CLPTM1L: variants seen among roughly 807,000 people sequenced by gnomAD.
The protein encoded by CLPTM1L is CLPTM1 like, also known as lipid scramblase CLPTM1L.
In CLPTM1L, 38 loss-of-function variants were observed where a neutral mutation model predicts 70.9. That is an observed-to-expected ratio of 0.54 (90% CI 0.41 to 0.70). CLPTM1L has a LOEUF of 0.70. Ranked by LOEUF, CLPTM1L falls within the 30% of genes least tolerant of loss-of-function variation. The probability of loss-of-function intolerance (pLI) is 0.00; values close to 1 mark genes in which losing one functional copy is unlikely to be tolerated. For missense variants in CLPTM1L, 652 were observed against 705.9 expected (o/e 0.92, Z 0.87); for synonymous variants, 339 against 299.9 (o/e 1.13, Z -1.35).
chr5:1,323,110 G>A (rs1477003399), intron 12 of CLPTM1L, among the ~76,000 whole-genome samples, 199 bp from the exon 13 acceptor site: 2 of 152,128 alleles, frequency 1.3e-5, no homozygotes, highest in African/African-American at 2.4e-5. Flanking sequence ...CCGGGCAGCA[G>A]AGGCCGGGCA....
At chr5:1,330,408 G>A in intron 8 of CLPTM1L, 25 bp from the exon 9 acceptor site, 1 of 1,600,820 alleles carries the variant, frequency 6.2e-7, no homozygotes, top group East Asian at 2.2e-5. Flanking sequence ...GTCGGGCTGG[G>A]AGGGGGTGCA....
intron 9 of CLPTM1L, among the ~76,000 whole-genome samples, chr5:1,326,712 C>T (rs1196785352): frequency 1.3e-5 from 2 of 151,910 alleles, no homozygotes; most frequent in East Asian, 4.0e-4. Context: ...GACATTCCAT[C>T]CAGCTCCTCC....
chr5:1,327,388 C>G (rs1752672159), intron 9 of CLPTM1L, among the ~76,000 whole-genome samples: 1 of 147,726 alleles, frequency 6.8e-6, no homozygotes, highest in African/African-American at 2.5e-5. Flanking sequence ...TCCAGCTCCT[C>G]CTCTACAGGC....
In CLPTM1L at chr5:1,338,857, T is replaced by C. The variant is rs1753753292; in HGVS notation, c.599+3A>G. 1 of 1,613,152 alleles carries C rather than the reference T, an allele frequency of 6.2e-7. No individual in the cohort carries two copies. The highest frequency in any genetic ancestry group is 8.5e-7 in the Non-Finnish European group (1 of 1,179,996). On this transcript the variant is annotated splice_donor_region_variant and intron_variant, in intron 4 of 16. Coordinates refer to ENST00000320895, the MANE Select transcript of CLPTM1L (RefSeq NM_030782.5). ...GGCGCTCCAGCTCTGGGGCCCCACTTACATCTTCATGTACCGATGCACATC... is the reference window on the plus strand; with the variant it reads ...GGCGCTCCAGCTCTGGGGCCCCACTCACATCTTCATGTACCGATGCACATC...
At position 1,319,779 on chromosome 5, in the gene CLPTM1L, T is replaced by C. The variant is rs559373179; in HGVS notation, c.1532+837A>G. On this transcript the variant is annotated intron_variant, in intron 16 of 16. Transcript: ENST00000320895. ...CACAGCCAGGAGGCTCTGAGACACT[T>C]GGCAGCAGGTCTTGGGGGTGACACA... Among the ~76,000 whole-genome samples, 3 of 152,268 alleles carry C rather than the reference T, an allele frequency of 2.0e-5. No individual in the cohort carries two copies. In the South Asian group the frequency reaches 6.2e-4, roughly 32 times the overall value.
intron 4 of CLPTM1L, among the ~76,000 whole-genome samples, chr5:1,338,559 A>G (rs1413684694): frequency 2.0e-5 from 3 of 152,268 alleles, no homozygotes. Flanking sequence ...AAGTTAAAAA[A>G]TCACAAGGGG....
intron 12 of CLPTM1L, among the ~76,000 whole-genome samples, 176 bp from the exon 13 acceptor site, chr5:1,323,087 T>A (rs1302328158): frequency 6.6e-6 from 1 of 152,198 alleles, no homozygotes; most frequent in Non-Finnish European, 1.5e-5. Context: ...GAGATAGCGC[T>A]GAGCACCCCC....
rs1198282628 is a variant in CLPTM1L at position 1,318,512 on chromosome 5, A to T, written c.1533-59T>A. The T allele has an allele frequency of 7.2e-7, 1 of 1,396,890 alleles. No individual in the cohort carries two copies. The allele number at this position is 1,396,890 out of a possible 1,614,324, so 86.5% of individuals were successfully genotyped here. On this transcript the variant is annotated intron_variant, in intron 16 of 16. Coordinates refer to ENST00000320895, the MANE Select transcript of CLPTM1L (RefSeq NM_030782.5). The surrounding 1 kb of genome is among the most constrained non-coding windows in gnomAD (Gnocchi z 8.9). The stretch of plus-strand genomic sequence containing the variant: ...CCACTGCAGGGGCTATTTTTCTAAG[A>T]GGAGGACTTGGCATCCTCGATTTAT...
intron 5 of CLPTM1L, among the ~76,000 whole-genome samples, chr5:1,335,812 G>A (rs1423448572): frequency 2.0e-5 from 3 of 152,218 alleles, no homozygotes; most frequent in African/African-American, 7.2e-5. Flanking sequence ...AGGAGGGTGA[G>A]GAACGGGTTC....
Position 1,326,870 on chromosome 5 carries a change from G to A in CLPTM1L, c.1081-1054C>T, listed in dbSNP as rs867304668. On this transcript the variant is annotated intron_variant, in intron 9 of 16. Transcript: ENST00000320895. ...GACACATTTCATCCAGCTCCTCCTC[G>A]ACAGACACATTTCATCCAGCTCCTC... 3.9e-3 allele frequency among the ~76,000 whole-genome samples: 266 copies of A among 68,334 alleles called. 3 individuals are homozygous for A. Among genetic ancestry groups the A allele is most frequent in the African/African-American group, 0.015 (254 of 16,980 alleles). 44.8% of individuals were successfully genotyped at this position (68,334 alleles called of 152,430 possible).
rs371510655 is a variant in CLPTM1L, at chr5:1,331,787, C to T, written c.976+12G>A. 16 of 1,612,188 alleles carry T rather than the reference C, an allele frequency of 9.9e-6. No individual in the cohort carries two copies. The highest frequency in any genetic ancestry group is 3.3e-5 in the South Asian group (3 of 91,070). ...CAGAGTATCTGAGCAGGGCCACGCT[C>T]GGGGGGCCTACCTGCCTTGGTGGAC... On this transcript the variant is annotated intron_variant, in intron 8 of 16. Transcript: ENST00000320895.
Position 1,318,225 on chromosome 5 carries a change from T to C in CLPTM1L, c.*144A>G, listed in dbSNP as rs112703733. 421 of 656,390 alleles carry C rather than the reference T, an allele frequency of 6.4e-4. 1 individual carries two copies. Among genetic ancestry groups the C allele is most frequent in the African/African-American group, 6.3e-3 (352 of 55,594 alleles). 40.7% of individuals were successfully genotyped at this position (656,390 alleles called of 1,614,324 possible). On this transcript the variant is annotated 3_prime_UTR_variant, in exon 17 of 17. Transcript: ENST00000320895. This position sits in a 1 kb window ranked among gnomAD's most constrained non-coding sequence, Gnocchi z 8.9. ...GCTACCAGCTCCAAATCTGACGTGA[T>C]GGGAACTTGGGAGATGTCTGAGAAA...
In CLPTM1L at chr5:1,341,661, A is replaced by T; in HGVS notation, c.453+10T>A. On this transcript the variant is annotated intron_variant, in intron 3 of 16. Transcript: ENST00000320895. ...ACAGCCTGTTATCAGTAACCCATGA[A>T]GACCCTCACCTGTGTATCAGACTCC... 1 of 1,590,972 alleles carries T rather than the reference A, an allele frequency of 6.3e-7. No individual in the cohort carries two copies. Among genetic ancestry groups the T allele is most frequent in the South Asian group, 1.1e-5 (1 of 89,760 alleles).
intron 3 of CLPTM1L, among the ~76,000 whole-genome samples, chr5:1,341,093 C>G (rs113656123): frequency 0.013 from 2,023 of 152,346 alleles, 50 homozygotes; most frequent in African/African-American, 0.045. Flanking sequence ...TCACCTTCCA[C>G]TCAACACAAA....
At chr5:1,323,711 C>G (rs1398398704) in intron 12 of CLPTM1L, 76 bp downstream of exon 12, 5 of 1,336,214 alleles carry the variant, frequency 3.7e-6, no homozygotes, top group Middle Eastern at 1.8e-4. Flanking sequence ...TCCAGTCGCA[C>G]CCCGCTCTGG....
At chr5:1,324,953 C>T (rs1011390146) in intron 10 of CLPTM1L, 140 bp from the exon 11 acceptor site, 62 of 719,604 alleles carry the variant, frequency 8.6e-5, no homozygotes, top group Admixed American at 5.6e-4. Flanking sequence ...CCCTACCAGG[C>T]GAGGAGAGGA....
intron 16 of CLPTM1L, among the ~76,000 whole-genome samples, chr5:1,319,552 C>T (rs1372364417): frequency 6.6e-6 from 1 of 152,206 alleles, no homozygotes; most frequent in Non-Finnish European, 1.5e-5. Context: ...GGGAGCACTG[C>T]GCTCCCCAAG....
At chr5:1,322,252 C>G (rs1752200773) in intron 13 of CLPTM1L, among the ~76,000 whole-genome samples, 1 of 152,222 alleles carries the variant, frequency 6.6e-6, no homozygotes, top group South Asian at 2.1e-4. Context: ...CACGGGACCA[C>G]TTCCCAAAGA....
At chr5:1,341,408 G>A (rs1472442129) in intron 3 of CLPTM1L, among the ~76,000 whole-genome samples, 3 of 152,170 alleles carry the variant, frequency 2.0e-5, no homozygotes, top group Admixed American at 2.0e-4. Flanking sequence ...AGACTGAGAG[G>A]GCCCATTCCC....
Sources: gnomAD v4.1 joint callset for allele counts (sites outside exome capture counted in the v4.1 genomes callset) on GRCh38, gnomAD v4.1.1 for gene constraint, Gnocchi (gnomAD v3.1) non-coding constraint, MANE v1.5 for transcripts, NCBI Gene and HGNC (gene_info 2026-07-23, HGNC 2026-07-21) for gene names.